FBXW7: variants seen among roughly 807,000 people sequenced by gnomAD.
The protein encoded by FBXW7 is F-box and WD repeat domain containing 7, also known as F-box/WD repeat-containing protein 7.
FBXW7 carries 11 observed loss-of-function variants against 86.3 expected under a neutral mutation model. That is an observed-to-expected ratio of 0.13 (90% confidence interval 0.08 to 0.21). FBXW7 has a LOEUF of 0.21. FBXW7 is among the 10% of genes least tolerant of loss of function. The pLI is 1.00. For missense variants in FBXW7, 488 were observed against 847.4 expected, an observed-to-expected ratio of 0.58 and a Z score of 5.27; for synonymous variants, 313 against 297.9, an observed-to-expected ratio of 1.05 and a Z score of -0.52.
At chr4:152,412,766 T>C (rs527282301) in intron 2 of FBXW7, among the ~76,000 whole-genome samples, 5 of 152,136 alleles carry the variant, frequency 3.3e-5, no homozygotes, top group African/African-American at 1.2e-4. Context: ...ATGCTGGAAA[T>C]TGTGATTATA....
At chr4:152,499,062 A>G (rs1579361071) in intron 2 of FBXW7, among the ~76,000 whole-genome samples, 1 of 152,272 alleles carries the variant, frequency 6.6e-6, no homozygotes, top group East Asian at 1.9e-4. Context: ...TTATCAGAGA[A>G]CTGAAGAATC....
intron 2 of FBXW7, among the ~76,000 whole-genome samples, chr4:152,454,252 C>CCT (rs1553986183): frequency 2.3e-5 from 2 of 85,116 alleles, no homozygotes; most frequent in African/African-American, 1.1e-4. Context: ...ACTCTCTAAG[C>CCT]CCCCCCCCCC....
chr4:152,350,970 C>T (rs910720821), intron 4 of FBXW7, among the ~76,000 whole-genome samples: 1 of 151,962 alleles, frequency 6.6e-6, no homozygotes, highest in Non-Finnish European at 1.5e-5. Context: ...GAAATATTCT[C>T]ATTTGACTAT....
intron 2 of FBXW7, among the ~76,000 whole-genome samples, chr4:152,457,436 A>G (rs1434374523): frequency 6.6e-6 from 1 of 152,126 alleles, no homozygotes; most frequent in African/African-American, 2.4e-5. Flanking sequence ...AGGTCAGGAG[A>G]GCGAGACCAT....
At chr4:152,461,117 T>C (rs1742901395) in intron 2 of FBXW7, among the ~76,000 whole-genome samples, 1 of 152,218 alleles carries the variant, frequency 6.6e-6, no homozygotes, top group South Asian at 2.1e-4. Context: ...AGACCCTGTC[T>C]CTACTAAAAA....
intron 6 of FBXW7, among the ~76,000 whole-genome samples, chr4:152,340,951 T>A (rs567678109): frequency 1.5e-4 from 23 of 152,260 alleles, no homozygotes; most frequent in African/African-American, 5.5e-4. Flanking sequence ...GACCCCTCCC[T>A]CTCTTTCACC....
intron 2 of FBXW7, among the ~76,000 whole-genome samples, chr4:152,478,834 T>C (rs1350928941): frequency 6.6e-6 from 1 of 152,146 alleles, no homozygotes; most frequent in Non-Finnish European, 1.5e-5. Flanking sequence ...ATGTGTTTAT[T>C]GGCCATTTTA....
At chr4:152,427,329 A>T (rs1020580248) in intron 2 of FBXW7, among the ~76,000 whole-genome samples, 4 of 152,246 alleles carry the variant, frequency 2.6e-5, no homozygotes, top group African/African-American at 9.6e-5. Context: ...CAGAACCACT[A>T]GCATTTATTG....
At chr4:152,343,926 A>C (rs140535198) in intron 6 of FBXW7, among the ~76,000 whole-genome samples, 1 of 152,094 alleles carries the variant, frequency 6.6e-6, no homozygotes, top group East Asian at 1.9e-4. Flanking sequence ...GTTCATACTC[A>C]ATTTATAAAC....
intron 2 of FBXW7, among the ~76,000 whole-genome samples, chr4:152,428,194 T>C (rs186143197): frequency 6.6e-6 from 1 of 152,256 alleles, no homozygotes; most frequent in Admixed American, 6.5e-5. Flanking sequence ...ACTAAACTCA[T>C]GACAAAGCAG....
chr4:152,452,147 T>C (rs1181500854), intron 2 of FBXW7, among the ~76,000 whole-genome samples: 1 of 152,216 alleles, frequency 6.6e-6, no homozygotes, highest in Non-Finnish European at 1.5e-5. Context: ...TGTGTAAACA[T>C]GTAATTAGCT....
chr4:152,453,992 T>TTAAG (rs1395390592), intron 2 of FBXW7, among the ~76,000 whole-genome samples: 1 of 152,164 alleles, frequency 6.6e-6, no homozygotes, highest in Non-Finnish European at 1.5e-5. Context: ...ACGTCATTAC[T>TTAAG]TCCCTCATCC....
At chr4:152,498,705 G>C (rs1746615382) in intron 2 of FBXW7, among the ~76,000 whole-genome samples, 1 of 152,114 alleles carries the variant, frequency 6.6e-6, no homozygotes, top group African/African-American at 2.4e-5. Context: ...GAATTCAGAG[G>C]AAGAAAAAAA....
chr4:152,364,110 A>G (rs907037628), intron 4 of FBXW7, among the ~76,000 whole-genome samples: 1 of 152,182 alleles, frequency 6.6e-6, no homozygotes, highest in Non-Finnish European at 1.5e-5. Flanking sequence ...ATTCACCAGG[A>G]GCAGCTTGAC....
chr4:152,425,361 T>A (rs1350662823), intron 2 of FBXW7, among the ~76,000 whole-genome samples: 1 of 152,216 alleles, frequency 6.6e-6, no homozygotes, highest in Non-Finnish European at 1.5e-5. Flanking sequence ...ATATCCTAAC[T>A]CTTAATTATT....
chr4:152,414,947 ATT>A lies in FBXW7; in HGVS notation c.-119-2420_-119-2419del, dbSNP rs539282171. 3.5e-4 allele frequency among the ~76,000 whole-genome samples: 54 copies of A among 152,218 alleles called. No homozygotes were observed. In the South Asian group the frequency reaches 0.01, roughly 29 times the overall value. On this transcript the variant is annotated intron_variant, in intron 2 of 13. Coordinates refer to ENST00000281708, the MANE Select transcript of FBXW7 (RefSeq NM_001349798.2). ...AACTTTTAGTGACTATCCTTTGTTGATTTAGTGGCATTTCAGGCCTACCTTGG... is the reference window on the plus strand; with the variant it reads ...AACTTTTAGTGACTATCCTTTGTTGATAGTGGCATTTCAGGCCTACCTTGG...
At chr4:152,432,952 A>C (rs749089916) in intron 2 of FBXW7, among the ~76,000 whole-genome samples, 78 of 152,170 alleles carry the variant, frequency 5.1e-4, no homozygotes, top group Non-Finnish European at 7.5e-4. Context: ...GGATTTTGAA[A>C]CATCATTTTT....
intron 2 of FBXW7, among the ~76,000 whole-genome samples, chr4:152,510,845 G>T (rs1442000141): frequency 6.6e-6 from 1 of 152,004 alleles, no homozygotes; most frequent in African/African-American, 2.4e-5. Context: ...TAAGAGCAAG[G>T]GACAGGGCTT....
intron 2 of FBXW7, among the ~76,000 whole-genome samples, chr4:152,453,252 ACAGT>A (rs1199274094): frequency 6.6e-6 from 1 of 152,244 alleles, no homozygotes. Flanking sequence ...TTAAGGCTTT[ACAGT>A]CAAACAGGAA....
Sources: gnomAD v4.1 joint callset for allele counts (sites outside exome capture counted in the v4.1 genomes callset) on GRCh38, gnomAD v4.1.1 for gene constraint, MANE v1.5 for transcripts, NCBI Gene and HGNC (gene_info 2026-07-23, HGNC 2026-07-21) for gene names.